Variants in ZNF540 observed in about 807,000 individuals in gnomAD.
ZNF540 encodes the protein zinc finger protein 540.
A neutral mutation model predicts 11.8 loss-of-function variants in ZNF540; 3 were observed. The ratio of observed to expected loss-of-function variants is 0.25; its 90% confidence interval spans 0.12 to 0.65. The LOEUF is 0.65. Among genes scored for constraint, ZNF540 ranks in the 30% least tolerant of loss-of-function variants. The probability of loss-of-function intolerance (pLI) is 0.83; values close to 1 mark genes in which losing one functional copy is unlikely to be tolerated. For synonymous variants in ZNF540, 247 were observed against 259.0 expected (o/e 0.95, Z 0.45); for missense variants, 709 against 793.1 (o/e 0.89, Z 1.27).
chr19:37,586,836 G>A (rs2043690946), intron 1 of ZNF540: 3 of 759,614 alleles, frequency 3.9e-6, no homozygotes, highest in Non-Finnish European at 6.5e-6. Context: ...CCTCTTTTGG[G>A]AATTTGGAAA....
intron 4 of ZNF540, among the ~76,000 whole-genome samples, chr19:37,605,960 T>C (rs946284240): frequency 6.6e-6 from 1 of 152,264 alleles, no homozygotes; most frequent in Non-Finnish European, 1.5e-5. Flanking sequence ...ATTTACTCAC[T>C]GTAAGTGCAC....
chr19:37,566,186 A>T lies in ZNF540; in HGVS notation c.-73+14521A>T, dbSNP rs1381572448. The T allele has an allele frequency of 3.7e-6, 6 of 1,614,012 alleles. No homozygotes were observed. In the East Asian group the frequency reaches 1.3e-4, roughly 36 times the overall value. On this transcript the variant is annotated intron_variant, in intron 1 of 4. Transcript: ENST00000592533. ...ATTGTCTCCAAGACCATTGTATTGA[A>T]GGTGATGGTTGATACGTTTCCCCAT...
At chr19:37,562,739 C>A (rs1472662462) in intron 1 of ZNF540, 1 of 152,160 alleles carries the variant, frequency 6.6e-6, no homozygotes, top group Non-Finnish European at 1.5e-5. Context: ...CCATTATGTA[C>A]TAATGTATTA....
chr19:37,556,998 C>A (rs1325285597), intron 1 of ZNF540, among the ~76,000 whole-genome samples: 4 of 152,172 alleles, frequency 2.6e-5, no homozygotes, highest in Non-Finnish European at 5.9e-5. Context: ...GAAGGCCGGT[C>A]CATTATCAGA....
At position 37,612,702 on chromosome 19, in the gene ZNF540, G is replaced by T; in HGVS notation, c.1422G>T (p.Lys474Asn). 1 of 1,614,126 alleles carries T rather than the reference G, an allele frequency of 6.2e-7. No homozygotes were observed. Among genetic ancestry groups the T allele is most frequent in the Non-Finnish European group, 8.5e-7 (1 of 1,179,988 alleles). Residue 474 changes from lysine to asparagine, a missense_variant, in exon 5 of 5, where the codon AAG becomes AAT. Physicochemically the swap from Lys to Asn is moderately conservative, Grantham distance 94 (BLOSUM62 0). Transcript: ENST00000316433. The part of the protein sequence containing the change: ...VKPYECKECG[K>N]TFRVRSQISL... The stretch of plus-strand genomic sequence containing the variant: ...CCTACGAATGTAAGGAATGTGGGAA[G>T]ACCTTTCGAGTTCGTTCTCAAATTA...
chr19:37,593,307 G>T (rs1009653238), upstream of ZNF540, among the ~76,000 whole-genome samples: 1 of 152,130 alleles, frequency 6.6e-6, no homozygotes, highest in Non-Finnish European at 1.5e-5. Context: ...TGAACATGTT[G>T]GGGTTCGTAT....
At position 37,612,405 on chromosome 19, in the gene ZNF540, A is replaced by G. The variant is rs2044138724; in HGVS notation, c.1125A>G (p.Arg375=). Reference sequence around the variant, plus strand: ...GTTTTTACCTTACTGAACACAGAAGAACTCATGCAGGTAAGAAACCTTATG... The same window carrying G: ...GTTTTTACCTTACTGAACACAGAAGGACTCATGCAGGTAAGAAACCTTATG... ...RLSFYLTEHR[R]THAGKKPYEC... The change falls in exon 5 of 5, where the codon AGA becomes AGG. Residue 375 remains arginine, a synonymous_variant. Coordinates refer to ENST00000316433, the MANE Select transcript of ZNF540 (RefSeq NM_001172225.3). 1.2e-6 allele frequency: 2 copies of G among 1,614,146 alleles called. No homozygotes were observed. The highest frequency in any genetic ancestry group is 1.7e-6 in the Non-Finnish European group (2 of 1,180,028).
rs186954235 is a variant in ZNF540 at position 37,582,563 on chromosome 19, A to G, written c.-72-15813A>G. On this transcript the variant is annotated intron_variant, in intron 1 of 4. Transcript: ENST00000592533. ...GTTCCTCGGTACAGAGAGTAATCCC[A>G]TATTTATCTCTTCAGTCCTGACTAT... is the stretch of plus-strand genomic sequence containing the variant. 3.1e-3 allele frequency among the ~76,000 whole-genome samples: 470 copies of G among 152,262 alleles called. 1 individual carries two copies. The highest frequency in any genetic ancestry group is 9.3e-3 in the South Asian group (45 of 4,820).
chr19:37,565,267 A>C (rs1480639006), intron 1 of ZNF540: 1 of 1,611,346 alleles, frequency 6.2e-7, no homozygotes, highest in African/African-American at 1.3e-5. Context: ...AAGGTCTCTC[A>C]CCTGAATGAA....
At chr19:37,578,682 C>T (rs1388512018) in intron 1 of ZNF540, among the ~76,000 whole-genome samples, 2 of 152,006 alleles carry the variant, frequency 1.3e-5, no homozygotes, top group East Asian at 3.9e-4. Flanking sequence ...GACCCTGTCC[C>T]CACCTGAACT....
intron 1 of ZNF540, among the ~76,000 whole-genome samples, chr19:37,558,469 C>CATCATGCCCCTGGATGACTT (rs1168034068): frequency 1.3e-5 from 2 of 152,052 alleles, no homozygotes; most frequent in Non-Finnish European, 2.9e-5. Context: ...CCTGGTGACT[C>CATCATGCCCCTGGATGACTT]ATCATGCCCC....
At chr19:37,555,586 G>T in intron 1 of ZNF540, 1 of 294,444 alleles carries the variant, frequency 3.4e-6, no homozygotes, top group Non-Finnish European at 6.3e-6. Context: ...AGATTTTCTC[G>T]AACTTTTGGA....
rs115343610 is a variant in ZNF540 at position 37,583,807 on chromosome 19, G to A, written c.-72-14569G>A. ...GACAGGAAGTGACAGAGAAAGATGT[G>A]ACAGTCTAAAGGATAAGAGATAAAA... On this transcript the variant is annotated intron_variant, in intron 1 of 4. Coordinates refer to the ZNF540 transcript ENST00000592533. 1.2e-3 allele frequency: 708 copies of A among 614,790 alleles called. 6 individuals are homozygous for A. The African/African-American group carries it at 0.012, about 11-fold the overall frequency. The allele number at this position is 614,790 out of a possible 1,614,324, so 38.1% of individuals were successfully genotyped here.
chr19:37,581,963 T>C (rs2043484877), intron 1 of ZNF540, among the ~76,000 whole-genome samples: 1 of 152,142 alleles, frequency 6.6e-6, no homozygotes, highest in Non-Finnish European at 1.5e-5. Flanking sequence ...TTTTGCCATA[T>C]TTCCTTCCTA....
intron 1 of ZNF540, among the ~76,000 whole-genome samples, chr19:37,581,466 CTTT>C (rs1226046583): frequency 4.3e-5 from 6 of 138,710 alleles, no homozygotes; most frequent in Non-Finnish European, 6.2e-5. Context: ...TTCTTTCTTT[CTTT>C]TTTTTTTTTT....
intron 1 of ZNF540, among the ~76,000 whole-genome samples, chr19:37,553,724 G>A (rs559245624): frequency 0.018 from 12 of 660 alleles, no homozygotes; most frequent in African/African-American, 0.051. Flanking sequence ...ATACCCTATC[G>A]TATATTTGCT....
chr19:37,556,271 G>C (rs1389849210), intron 1 of ZNF540: 7 of 611,220 alleles, frequency 1.1e-5, no homozygotes, highest in Non-Finnish European at 2.9e-6. Context: ...TGAGGAGAAA[G>C]GAGTAGGAAG....
chr19:37,566,246 TC>T (rs1159690046), intron 1 of ZNF540: 1 of 1,613,414 alleles, frequency 6.2e-7, no homozygotes, highest in Non-Finnish European at 8.5e-7. Flanking sequence ...TTCATAAATT[TC>T]CTTTTCTGGA....
chr19:37,595,313 T>G (rs2043980133), intron 1 of ZNF540: 2 of 152,224 alleles, frequency 1.3e-5, no homozygotes, highest in African/African-American at 2.4e-5. Context: ...AGATTATGCT[T>G]GAGGCTATTA....
Sources: gnomAD v4.1 joint callset for allele counts (sites outside exome capture counted in the v4.1 genomes callset) on GRCh38, gnomAD v4.1.1 for gene constraint, MANE v1.5 for transcripts, NCBI Gene and HGNC (gene_info 2026-07-23, HGNC 2026-07-21) for gene names.